The following IL1RL2 variants were observed in gnomAD, a reference collection of about 807,000 sequenced individuals.
IL1RL2 encodes the protein interleukin-1 receptor-like 2.
IL1RL2 carries 68 observed loss-of-function variants against 66.8 expected under a neutral mutation model. The ratio of observed to expected loss-of-function variants is 1.02; its 90% CI spans 0.84 to 1.25. The LOEUF (loss-of-function observed/expected upper bound fraction) is 1.25. IL1RL2 is among the 50% of genes most tolerant of loss of function. The probability of loss-of-function intolerance (pLI) is 0.00; values close to 1 mark genes in which losing one functional copy is unlikely to be tolerated. For synonymous variants in IL1RL2, 305 were observed against 264.6 expected, an observed-to-expected ratio of 1.15 and a Z score of -1.48; for missense variants, 729 against 709.3, an observed-to-expected ratio of 1.03 and a Z score of -0.32.
chr2:102,219,905 T>C lies in IL1RL2; in HGVS notation c.879T>C (p.His293=), dbSNP rs776523755. ...GVETHVSFRE[H]NLYTVNITFL... ...GAACCCATGTCTCTTTTCGGGAACA[T>C]AATTTGTACACAGTAAACATCACCT... Residue 293 remains histidine (H), a synonymous_variant, in exon 8 of 12, where the codon CAT becomes CAC. Coordinates refer to ENST00000264257, the MANE Select transcript of IL1RL2 (RefSeq NM_003854.4). The C allele has an allele frequency of 1.9e-6, 3 of 1,612,840 alleles. No homozygotes were observed. Among genetic ancestry groups the C allele is most frequent in the Non-Finnish European group, 2.5e-6 (3 of 1,178,900 alleles).
chr2:102,190,446 T>A (rs1031531016), intron 3 of IL1RL2, among the ~76,000 whole-genome samples: 22 of 152,130 alleles, frequency 1.4e-4, no homozygotes, highest in African/African-American at 5.3e-4. Flanking sequence ...TTAACTGAGA[T>A]CAGGTGTGAA....
downstream of IL1RL2, among the ~76,000 whole-genome samples, chr2:102,241,134 C>T (rs1333293166): frequency 6.6e-6 from 1 of 152,254 alleles, no homozygotes; most frequent in East Asian, 1.9e-4. Context: ...CACACATTAC[C>T]TTCTCGGGGC....
Position 102,192,710 on chromosome 2 carries a change from A to T in IL1RL2, c.489+590A>T, listed in dbSNP as rs573214372. On this transcript the variant is annotated intron_variant, in intron 4 of 11. Transcript: ENST00000264257. The stretch of plus-strand genomic sequence containing the variant: ...CTGGCATATGTTGACATAGAAGGTA[A>T]CTCTTGGCATGGAGGAGCACAGGCT... 5.3e-5 allele frequency among the ~76,000 whole-genome samples: 8 copies of T among 152,250 alleles called. No homozygotes were observed. The South Asian group carries it at 1.0e-3, about 20-fold the overall frequency.
intron 4 of IL1RL2, 60 bp from the exon 5 acceptor site, chr2:102,201,496 T>G: frequency 6.6e-7 from 1 of 1,506,988 alleles, no homozygotes; most frequent in Non-Finnish European, 9.2e-7. Flanking sequence ...ACCTAAATAC[T>G]AGGGATCACA....
chr2:102,217,931 A>T (rs1689754565), intron 6 of IL1RL2, among the ~76,000 whole-genome samples: 2 of 152,156 alleles, frequency 1.3e-5, no homozygotes, highest in South Asian at 4.1e-4. Flanking sequence ...AGACAAATGG[A>T]ATTACATCAA....
intron 4 of IL1RL2, among the ~76,000 whole-genome samples, chr2:102,194,530 G>A (rs553417771): frequency 8.0e-5 from 12 of 150,600 alleles, no homozygotes; most frequent in Admixed American, 6.6e-4. Context: ...AACAGTTCCA[G>A]CAGCAGTGTA....
rs777111390 is a variant in IL1RL2 at position 102,219,031 on chromosome 2, C to A, written c.803C>A (p.Thr268Asn). 6.2e-7 allele frequency: 1 copy of A among 1,613,764 alleles called. No homozygotes were observed. Among genetic ancestry groups the A allele is most frequent in the African/African-American group, 1.3e-5 (1 of 74,886 alleles). Residue 268 changes from threonine (T) to asparagine (N), a missense_variant, in exon 7 of 12, where the codon ACT (threonine) becomes AAT (asparagine). By Grantham distance (65) the Thr-to-Asn change is moderately conservative. Transcript: ENST00000264257. Reference sequence around the variant, plus strand: ...CTACGATGCTGGAGAGTCAATAACACTTTGGTGGATGATTACTATGATGAA... The same window carrying A: ...CTACGATGCTGGAGAGTCAATAACAATTTGGTGGATGATTACTATGATGAA... ...TNLRCWRVNN[T>N]LVDDYYDESK...
At chr2:102,197,504 C>A (rs1255635165) in intron 4 of IL1RL2, among the ~76,000 whole-genome samples, 1 of 152,146 alleles carries the variant, frequency 6.6e-6, no homozygotes, top group Non-Finnish European at 1.5e-5. Context: ...AAGTGTAATG[C>A]CCATGGTGAG....
At position 102,196,632 on chromosome 2, in the gene IL1RL2, C is replaced by A. The variant is rs938855547; in HGVS notation, c.489+4512C>A. Among the ~76,000 whole-genome samples, 7 of 152,224 alleles carry A rather than the reference C, an allele frequency of 4.6e-5. No homozygotes were observed. In the East Asian group the frequency reaches 1.4e-3, roughly 29 times the overall value. On this transcript the variant is annotated intron_variant, in intron 4 of 11. Coordinates refer to ENST00000264257, the MANE Select transcript of IL1RL2 (RefSeq NM_003854.4). ...ATAAAGAAAGCAAAACTAGAGCAGA[C>A]CCTGGGAATGTCCATGGCTATGCTT...
chr2:102,201,637 G>T lies in IL1RL2; in HGVS notation c.571G>T (p.Gly191Trp). ...GAGCAATGTCTCGGCAGAGGACAGAGGGAACTACGCGTGTCAAGCCATACT... is the reference window on the plus strand; with the variant it reads ...GAGCAATGTCTCGGCAGAGGACAGATGGAACTACGCGTGTCAAGCCATACT... ...LVSNVSAEDR[G>W]NYACQAILTH... Residue 191 changes from glycine to tryptophan, a missense_variant, in exon 5 of 12, where the codon GGG (glycine) becomes TGG (tryptophan). By Grantham distance (184) the Gly-to-Trp change is radical. Coordinates refer to ENST00000264257, the MANE Select transcript of IL1RL2 (RefSeq NM_003854.4). 1 of 1,614,130 alleles carries T rather than the reference G, an allele frequency of 6.2e-7. No homozygotes were observed.
intron 9 of IL1RL2, among the ~76,000 whole-genome samples, chr2:102,227,366 G>A (rs988115941): frequency 6.6e-6 from 1 of 152,176 alleles, no homozygotes; most frequent in African/African-American, 2.4e-5. Context: ...TACACAGTAC[G>A]GTTGTTGCCC....
intron 8 of IL1RL2, among the ~76,000 whole-genome samples, chr2:102,222,285 T>C (rs748564175): frequency 6.6e-6 from 1 of 152,196 alleles, no homozygotes; most frequent in East Asian, 1.9e-4. Flanking sequence ...GCTATAAATA[T>C]GTGGTTTGCA....
At chr2:102,213,169 G>A (rs1689324997) in intron 6 of IL1RL2, among the ~76,000 whole-genome samples, 2 of 152,148 alleles carry the variant, frequency 1.3e-5, no homozygotes, top group South Asian at 4.1e-4. Context: ...TTCAGTTGTA[G>A]GGGGAGATTT....
At chr2:102,189,841 A>G (rs576668279) in intron 3 of IL1RL2, among the ~76,000 whole-genome samples, 5 of 152,264 alleles carry the variant, frequency 3.3e-5, no homozygotes, top group African/African-American at 1.2e-4. Flanking sequence ...TTTAGTAGAG[A>G]TGGGGTTTCA....
rs113377384 is a variant in IL1RL2 at position 102,200,170 on chromosome 2, T to C, written c.490-1386T>C. ...TGTCTGTATCCTAAAGAAGGAGACATCACAATATCAGAGTCTGATCCCTTT... is the reference window on the plus strand; with the variant it reads ...TGTCTGTATCCTAAAGAAGGAGACACCACAATATCAGAGTCTGATCCCTTT... On this transcript the variant is annotated intron_variant, in intron 4 of 11. Transcript: ENST00000264257. Among the ~76,000 whole-genome samples the C allele has an allele frequency of 8.1e-4, 117 of 143,798 alleles. 1 individual carries two copies. Among genetic ancestry groups the C allele is most frequent in the African/African-American group, 2.8e-3 (112 of 39,668 alleles). The allele number at this position is 143,798 out of a possible 152,430, so 94.3% of individuals were successfully genotyped here.
rs1467516468 is a variant in IL1RL2, at chr2:102,219,903, C to T, written c.877C>T (p.His293Tyr). 5 of 1,611,864 alleles carry T rather than the reference C, an allele frequency of 3.1e-6. No individual in the cohort carries two copies. The highest frequency in any genetic ancestry group is 4.2e-6 in the Non-Finnish European group (5 of 1,178,236). Reference sequence around the variant, plus strand: ...TAGAACCCATGTCTCTTTTCGGGAACATAATTTGTACACAGTAAACATCAC... The same window carrying T: ...TAGAACCCATGTCTCTTTTCGGGAATATAATTTGTACACAGTAAACATCAC... ...GVETHVSFREHNLYTVNITFL... is the reference protein window; with the variant it reads ...GVETHVSFREYNLYTVNITFL... Residue 293 changes from histidine to tyrosine, a missense_variant, in exon 8 of 12, where the codon CAT becomes TAT. Physicochemically the swap from His to Tyr is moderately conservative, Grantham distance 83 (BLOSUM62 2). Coordinates refer to ENST00000264257, the MANE Select transcript of IL1RL2 (RefSeq NM_003854.4).
intron 4 of IL1RL2, among the ~76,000 whole-genome samples, chr2:102,192,943 C>G (rs1687359165): frequency 6.6e-6 from 1 of 152,122 alleles, no homozygotes; most frequent in Admixed American, 6.5e-5. Flanking sequence ...TTAAAGGTCT[C>G]ATATATTCTG....
At chr2:102,204,632 T>C (rs962775655) in intron 5 of IL1RL2, among the ~76,000 whole-genome samples, 2 of 152,126 alleles carry the variant, frequency 1.3e-5, no homozygotes, top group Non-Finnish European at 2.9e-5. Flanking sequence ...GCTTTGTCTT[T>C]TTTTATAGTT....
intron 4 of IL1RL2, among the ~76,000 whole-genome samples, chr2:102,200,610 C>CAAAT (rs984819957): frequency 4.5e-4 from 68 of 152,344 alleles, no homozygotes; most frequent in African/African-American, 1.4e-3. Flanking sequence ...TTTGAATGAA[C>CAAAT]AAATGGACTC....
Sources: gnomAD v4.1 joint callset for allele counts (sites outside exome capture counted in the v4.1 genomes callset) on GRCh38, gnomAD v4.1.1 for gene constraint, MANE v1.5 for transcripts, NCBI Gene and HGNC (gene_info 2026-07-23, HGNC 2026-07-21) for gene names.